NOS1: variants seen among roughly 807,000 people sequenced by gnomAD.
The protein encoded by NOS1 is NOS type I.
In NOS1, 51 loss-of-function variants were observed where a neutral mutation model predicts 164.5. The observed-to-expected ratio is 0.31, with a 90% CI of 0.25 to 0.39. The LOEUF is 0.39. NOS1 is among the 10% of genes least tolerant of loss of function. NOS1 has a pLI of 1.00. For missense variants in NOS1, 1,362 were observed against 1,885.6 expected (o/e 0.72, Z 5.14); for synonymous variants, 719 against 745.8 (o/e 0.96, Z 0.59).
intron 16 of NOS1, among the ~76,000 whole-genome samples, chr12:117,254,130 A>T (rs143575477): frequency 1.7e-3 from 261 of 152,182 alleles, no homozygotes; most frequent in African/African-American, 6.1e-3. Context: ...TTTTTGAGAC[A>T]GAGTTTCACT....
At chr12:117,267,587 CAAA>C (rs59643665) in intron 11 of NOS1, among the ~76,000 whole-genome samples, 4 of 139,482 alleles carry the variant, frequency 2.9e-5, no homozygotes, top group African/African-American at 2.6e-5. Context: ...AACTCCATCT[CAAA>C]AAAAAAAAAA....
chr12:117,252,665 G>T (rs868473035), intron 17 of NOS1, among the ~76,000 whole-genome samples: 3 of 152,292 alleles, frequency 2.0e-5, no homozygotes, highest in Admixed American at 6.5e-5. Flanking sequence ...AGGGACAGGA[G>T]GATGTGGGAA....
chr12:117,226,341 G>A (rs550034406), intron 24 of NOS1, among the ~76,000 whole-genome samples: 70 of 152,216 alleles, frequency 4.6e-4, no homozygotes, highest in African/African-American at 1.3e-3. Flanking sequence ...GATTGGGAGC[G>A]AGCAGTAGAA....
intron 22 of NOS1, 138 bp downstream of exon 22, chr12:117,231,824 T>C: frequency 1.1e-6 from 1 of 922,642 alleles, no homozygotes; most frequent in Non-Finnish European, 1.6e-6. Flanking sequence ...CCAGCCAATA[T>C]GGCAATCTAC....
intron 2 of NOS1, among the ~76,000 whole-genome samples, chr12:117,312,446 T>G (rs947171937): frequency 6.6e-6 from 1 of 152,126 alleles, no homozygotes; most frequent in African/African-American, 2.4e-5. Context: ...TCCCCAGCCT[T>G]GTCCTGTCAT....
chr12:117,290,526 T>C, intron 3 of NOS1, 100 bp from the exon 4 acceptor site: 2 of 1,392,038 alleles, frequency 1.4e-6, no homozygotes, highest in Non-Finnish European at 1.9e-6. Flanking sequence ...TCCTGGGATC[T>C]GCCTTGAGTG....
At chr12:117,271,559 CCA>C (rs1393483983) in intron 10 of NOS1, among the ~76,000 whole-genome samples, 1 of 152,164 alleles carries the variant, frequency 6.6e-6, no homozygotes, top group Non-Finnish European at 1.5e-5. Flanking sequence ...CAGGCATGAG[CCA>C]CCGCGCCCAG....
At chr12:117,235,803 G>A (rs1403544404) in intron 20 of NOS1, among the ~76,000 whole-genome samples, 2 of 152,320 alleles carry the variant, frequency 1.3e-5, no homozygotes, top group Admixed American at 6.5e-5. Context: ...AGCACTTTGG[G>A]AGGTGGAGGT....
chr12:117,244,738 G>A (rs1870485042), intron 18 of NOS1, among the ~76,000 whole-genome samples: 1 of 152,216 alleles, frequency 6.6e-6, no homozygotes, highest in African/African-American at 2.4e-5. Context: ...ATGAAGTTCT[G>A]ATACATGCTA....
At chr12:117,222,973 AG>A in intron 25 of NOS1, 110 bp from the exon 26 acceptor site, 1 of 1,279,176 alleles carries the variant, frequency 7.8e-7, no homozygotes, top group Non-Finnish European at 1.1e-6. Flanking sequence ...ATGCGGATAG[AG>A]GCTCACAAAC....
chr12:117,288,786 T>C (rs969228210), intron 4 of NOS1, among the ~76,000 whole-genome samples: 9 of 152,128 alleles, frequency 5.9e-5, no homozygotes, highest in African/African-American at 2.2e-4. Flanking sequence ...TTCTGCTCAT[T>C]CTCTTAGAAC....
chr12:117,235,702 CT>C (rs1357084729), intron 20 of NOS1, among the ~76,000 whole-genome samples: 1 of 152,188 alleles, frequency 6.6e-6, no homozygotes, highest in Non-Finnish European at 1.5e-5. Flanking sequence ...AATCCAACAG[CT>C]TTCAATAATA....
At chr12:117,345,980 G>A (rs1876332018) in intron 1 of NOS1, among the ~76,000 whole-genome samples, 1 of 152,266 alleles carries the variant, frequency 6.6e-6, no homozygotes, top group African/African-American at 2.4e-5. Context: ...AGCCCTGTGA[G>A]AGGTGAGAGG....
At chr12:117,231,327 A>G (rs1334568180) in intron 22 of NOS1, among the ~76,000 whole-genome samples, 1 of 152,054 alleles carries the variant, frequency 6.6e-6, no homozygotes, top group African/African-American at 2.4e-5. Flanking sequence ...CAGAGAAAAA[A>G]AAAAAGAATA....
intron 3 of NOS1, among the ~76,000 whole-genome samples, chr12:117,299,443 C>T (rs1241893015): frequency 2.6e-5 from 4 of 151,874 alleles, no homozygotes; most frequent in Admixed American, 1.3e-4. Context: ...TCAAGACCAT[C>T]CTGGCTAACA....
Position 117,330,824 on chromosome 12 carries a change from C to T in NOS1, c.246G>A (p.Glu82=). The change falls in exon 2 of 29, where the codon GAG becomes GAA. Residue 82 remains glutamate, a synonymous_variant. Coordinates refer to ENST00000317775, the MANE Select transcript of NOS1 (RefSeq NM_000620.5). The surrounding 1 kb of genome is among the most constrained non-coding windows in gnomAD (Gnocchi z 4.6). ...TCTCAGAGGCAATGCCTCTGAGTAC[C>T]TCCAGGGCGCTGTCATAGCTCAGGT... The part of the protein sequence containing the change: ...LVDLSYDSAL[E]VLRGIASETH... 2 of 1,614,068 alleles carry T rather than the reference C, an allele frequency of 1.2e-6. No individual in the cohort carries two copies. Among genetic ancestry groups the T allele is most frequent in the Middle Eastern group, 3.3e-4 (2 of 6,062 alleles).
chr12:117,345,036 T>TGC lies in NOS1; in HGVS notation c.-420-13548_-420-13547insGC. On this transcript the variant is annotated intron_variant, in intron 1 of 28. Coordinates refer to ENST00000317775, the MANE Select transcript of NOS1 (RefSeq NM_000620.5). ...GTTGCTTGGTTGCTTTCTTGCTTTT[T>TGC]TTTTTTTTTTTTTTTGGCAGTGTCT... Among the ~76,000 whole-genome samples, 4 of 6,732 alleles carry TGC rather than the reference T, an allele frequency of 5.9e-4. No homozygotes were observed. In the African/African-American group the frequency reaches 9.4e-3, roughly 16 times the overall value. The allele number at this position is 6,732 out of a possible 152,430, so 4.4% of individuals were successfully genotyped here.
At position 117,259,505 on chromosome 12, in the gene NOS1, C is replaced by T. The variant is rs41448349; in HGVS notation, c.2368-375G>A. Among the ~76,000 whole-genome samples the T allele has an allele frequency of 3.5e-3, 535 of 152,172 alleles. 2 individuals carry two copies. Among genetic ancestry groups the T allele is most frequent in the Non-Finnish European group, 5.3e-3 (362 of 68,000 alleles). On this transcript the variant is annotated intron_variant, in intron 14 of 28. Transcript: ENST00000317775. ...GGATTCTTCCTGACCCCAGTTAGGC[C>T]GGGAATGATCTGGCTAGAGCTGACT...
At chr12:117,335,676 A>AT (rs1467842497) in intron 1 of NOS1, among the ~76,000 whole-genome samples, 1 of 147,394 alleles carries the variant, frequency 6.8e-6, no homozygotes, top group African/African-American at 2.5e-5. Flanking sequence ...TGCACTAAGC[A>AT]TTGGTGCCTG....
Sources: gnomAD v4.1 joint callset for allele counts (sites outside exome capture counted in the v4.1 genomes callset) on GRCh38, gnomAD v4.1.1 for gene constraint, Gnocchi (gnomAD v3.1) non-coding constraint, MANE v1.5 for transcripts, NCBI Gene and HGNC (gene_info 2026-07-23, HGNC 2026-07-21) for gene names.